The following BTRC variants were observed in gnomAD, a reference collection of about 807,000 sequenced individuals.
BTRC encodes the protein F-box/WD repeat-containing protein 1A.
In BTRC, 42 loss-of-function variants were observed where a neutral mutation model predicts 85.5. That is an observed-to-expected ratio of 0.49 (90% CI 0.38 to 0.64). The LOEUF is 0.64. BTRC is among the 30% of genes least tolerant of loss of function. The pLI is 0.00. For missense variants in BTRC, 594 were observed against 743.5 expected, an observed-to-expected ratio of 0.80 and a Z score of 2.34; for synonymous variants, 255 against 263.3, an observed-to-expected ratio of 0.97 and a Z score of 0.30.
intron 2 of BTRC, among the ~76,000 whole-genome samples, chr10:101,449,347 A>T (rs1944903712): frequency 6.6e-6 from 1 of 152,108 alleles, no homozygotes; most frequent in African/African-American, 2.4e-5. Flanking sequence ...GAATTTTGTC[A>T]TACGTCCTAA....
intron 1 of BTRC, among the ~76,000 whole-genome samples, chr10:101,372,681 A>G (rs1410237743): frequency 1.3e-5 from 2 of 150,744 alleles, no homozygotes; most frequent in Non-Finnish European, 3.0e-5. Context: ...CCTGACCAAC[A>G]TGGTGAAATC....
intron 3 of BTRC, among the ~76,000 whole-genome samples, chr10:101,477,759 C>A (rs540830998): frequency 6.6e-6 from 1 of 152,078 alleles, no homozygotes; most frequent in African/African-American, 2.4e-5. Context: ...AAGCGATTCT[C>A]GTCCCTCAGC....
intron 6 of BTRC, among the ~76,000 whole-genome samples, chr10:101,529,590 G>T (rs1365631353): frequency 6.6e-6 from 1 of 152,140 alleles, no homozygotes; most frequent in Non-Finnish European, 1.5e-5. Context: ...CTTTCATAAC[G>T]CATCTTGTTT....
At chr10:101,523,527 T>A (rs2062150334) in intron 5 of BTRC, among the ~76,000 whole-genome samples, 1 of 152,166 alleles carries the variant, frequency 6.6e-6, no homozygotes, top group Non-Finnish European at 1.5e-5. Flanking sequence ...CATTACCTTG[T>A]TAGGGGAGGG....
intron 1 of BTRC, among the ~76,000 whole-genome samples, chr10:101,355,655 G>A (rs1004752665): frequency 6.6e-6 from 1 of 152,132 alleles, no homozygotes; most frequent in Non-Finnish European, 1.5e-5. Context: ...TAAAAAAATA[G>A]CTATTTTGTA....
At position 101,404,107 on chromosome 10, in the gene BTRC, T is replaced by C. The variant is rs1301627164; in HGVS notation, c.49-26238T>C. 5.7e-5 allele frequency among the ~76,000 whole-genome samples: 8 copies of C among 139,274 alleles called. No homozygotes were observed. In the East Asian group the frequency reaches 1.9e-3, roughly 33 times the overall value. 91.4% of individuals were successfully genotyped at this position (139,274 alleles called of 152,430 possible). ...AGTGCAGTGGCGCATCTCAGCTCAC[T>C]GCAAGCTCCGCCTACCGGGTTCACG... is the stretch of plus-strand genomic sequence containing the variant. On this transcript the variant is annotated intron_variant, in intron 1 of 14. Coordinates refer to ENST00000370187, the MANE Select transcript of BTRC (RefSeq NM_033637.4).
At chr10:101,452,102 AT>A (rs953983051) in intron 2 of BTRC, among the ~76,000 whole-genome samples, 3 of 152,148 alleles carry the variant, frequency 2.0e-5, no homozygotes, top group Non-Finnish European at 1.5e-5. Context: ...CCTGTTTTTC[AT>A]TTGATTATTT....
intron 2 of BTRC, among the ~76,000 whole-genome samples, chr10:101,452,481 A>G (rs1449685035): frequency 6.6e-6 from 1 of 152,226 alleles, no homozygotes; most frequent in African/African-American, 2.4e-5. Context: ...TTGGAAGCAT[A>G]AAAAATAGTT....
At chr10:101,445,737 A>G (rs1564777397) in intron 2 of BTRC, among the ~76,000 whole-genome samples, 1 of 152,228 alleles carries the variant, frequency 6.6e-6, no homozygotes, top group Non-Finnish European at 1.5e-5. Flanking sequence ...TAAACCAGAT[A>G]AGATTTAAAC....
chr10:101,412,940 GT>G (rs1943821651), intron 1 of BTRC, among the ~76,000 whole-genome samples: 1 of 152,120 alleles, frequency 6.6e-6, no homozygotes, highest in Non-Finnish European at 1.5e-5. Flanking sequence ...ATGAAACAAA[GT>G]AACAAAAAAT....
chr10:101,478,941 G>GAAAAA (rs765974783), intron 3 of BTRC, among the ~76,000 whole-genome samples: 6 of 98,028 alleles, frequency 6.1e-5, no homozygotes, highest in Admixed American at 3.1e-4. Context: ...TCCATCTGGG[G>GAAAAA]AAAAAAAAAA....
At chr10:101,511,501 A>G (rs540538748) in intron 4 of BTRC, among the ~76,000 whole-genome samples, 2 of 152,166 alleles carry the variant, frequency 1.3e-5, no homozygotes, top group African/African-American at 4.8e-5. Flanking sequence ...AGCTGGAACC[A>G]CATGTGCGCA....
At chr10:101,481,563 T>G (rs924110335) in intron 4 of BTRC, among the ~76,000 whole-genome samples, 1 of 152,014 alleles carries the variant, frequency 6.6e-6, no homozygotes, top group African/African-American at 2.4e-5. Flanking sequence ...ATGTGGAGTT[T>G]TTTTTTTTTA....
intron 5 of BTRC, among the ~76,000 whole-genome samples, chr10:101,522,668 G>A (rs972270846): frequency 6.6e-5 from 10 of 150,788 alleles, no homozygotes; most frequent in Non-Finnish European, 1.5e-4. Flanking sequence ...TGATTCACCC[G>A]CCTTGGCCTC....
intron 4 of BTRC, among the ~76,000 whole-genome samples, chr10:101,514,373 G>C (rs1237263544): frequency 1.3e-5 from 2 of 151,854 alleles, no homozygotes; most frequent in Non-Finnish European, 2.9e-5. Context: ...CTAGAATTAA[G>C]TTAATTTTTG....
At chr10:101,490,890 C>G (rs1946112344) in intron 4 of BTRC, among the ~76,000 whole-genome samples, 1 of 151,934 alleles carries the variant, frequency 6.6e-6, no homozygotes, top group Non-Finnish European at 1.5e-5. Flanking sequence ...GAAACTTTGT[C>G]TCTACTAAAA....
At chr10:101,448,059 C>T (rs1488886116) in intron 2 of BTRC, among the ~76,000 whole-genome samples, 4 of 152,066 alleles carry the variant, frequency 2.6e-5, no homozygotes, top group Non-Finnish European at 4.4e-5. Context: ...AAAGCAATGG[C>T]AGCATAATCA....
chr10:101,552,115 C>G (rs1045633053), intron 14 of BTRC, among the ~76,000 whole-genome samples: 3 of 151,730 alleles, frequency 2.0e-5, no homozygotes, highest in African/African-American at 7.3e-5. Context: ...GCTTCTTTCC[C>G]CCTCACTCCC....
chr10:101,478,653 G>A (rs893212670), intron 3 of BTRC, among the ~76,000 whole-genome samples: 9 of 151,568 alleles, frequency 5.9e-5, no homozygotes, highest in African/African-American at 1.5e-4. Context: ...TTAGCTGGGC[G>A]TGGTAGCGTG....
Sources: gnomAD v4.1 joint callset for allele counts (sites outside exome capture counted in the v4.1 genomes callset) on GRCh38, gnomAD v4.1.1 for gene constraint, MANE v1.5 for transcripts, NCBI Gene and HGNC (gene_info 2026-07-23, HGNC 2026-07-21) for gene names.